Variants in LINGO2 observed in about 807,000 individuals in gnomAD.
LINGO2 encodes the protein leucine rich repeat and Ig domain containing 2.
LINGO2 carries 14 observed loss-of-function variants against 30.6 expected under a neutral mutation model. The observed-to-expected ratio is 0.46, with a 90% confidence interval of 0.30 to 0.72. LINGO2 has a LOEUF of 0.72. Ranked by LOEUF, LINGO2 falls within the 30% of genes least tolerant of loss-of-function variation. The pLI, the probability that LINGO2 is intolerant of heterozygous loss-of-function variation, is 0.07. For synonymous variants in LINGO2, 317 were observed against 288.5 expected (o/e 1.10, Z -1.00); for missense variants, 729 against 751.7 (o/e 0.97, Z 0.35).
At chr9:29,178,223 T>A in the LINGO2 span, among the ~76,000 whole-genome samples, 1 of 151,790 alleles carries the variant, frequency 6.6e-6, no homozygotes, top group African/African-American at 2.4e-5. Context: ...GCCCAGCTAT[T>A]TTTTGCATTT....
At chr9:28,872,413 G>A in the LINGO2 span, among the ~76,000 whole-genome samples, 1 of 151,914 alleles carries the variant, frequency 6.6e-6, no homozygotes, top group Non-Finnish European at 1.5e-5. Flanking sequence ...TTCACAAGCA[G>A]GAAACAATTA....
At chr9:28,432,639 G>GT (rs1228459776) in intron 2 of LINGO2, among the ~76,000 whole-genome samples, 2 of 152,196 alleles carry the variant, frequency 1.3e-5, no homozygotes, top group African/African-American at 4.8e-5. Context: ...ATAAAGGACA[G>GT]TCTGAATGCT....
intron 1 of LINGO2, among the ~76,000 whole-genome samples, chr9:28,549,830 AT>A (rs1176312478): frequency 6.6e-6 from 1 of 151,282 alleles, no homozygotes; most frequent in African/African-American, 2.4e-5. Context: ...TTTGTTTTTT[AT>A]TTTTTTCTCA....
downstream of LINGO2, among the ~76,000 whole-genome samples, chr9:27,944,872 T>C (rs1823304432): frequency 6.6e-6 from 1 of 152,020 alleles, no homozygotes; most frequent in South Asian, 2.1e-4. Flanking sequence ...AAAAAAGGTA[T>C]AAAAAGGACT....
chr9:28,899,189 C>G, the LINGO2 span, among the ~76,000 whole-genome samples: 3 of 152,180 alleles, frequency 2.0e-5, no homozygotes, highest in Admixed American at 1.3e-4. Flanking sequence ...ATTGCCCCGT[C>G]CCCAAACCCT....
At chr9:29,024,087 C>A in the LINGO2 span, among the ~76,000 whole-genome samples, 5 of 152,196 alleles carry the variant, frequency 3.3e-5, no homozygotes, top group East Asian at 5.8e-4. Flanking sequence ...AGCCTCTAAC[C>A]AGTCTTCCTA....
chr9:28,295,906 T>C (rs959773897), intron 3 of LINGO2, among the ~76,000 whole-genome samples: 2 of 152,108 alleles, frequency 1.3e-5, no homozygotes, highest in Non-Finnish European at 2.9e-5. Flanking sequence ...AGAAACAACT[T>C]TGAGGGACAT....
chr9:28,938,051 G>A, the LINGO2 span, among the ~76,000 whole-genome samples: 2 of 152,126 alleles, frequency 1.3e-5, no homozygotes, highest in African/African-American at 4.8e-5. Flanking sequence ...TTGGTTTTCT[G>A]TTCCTGTGTT....
chr9:27,972,654 G>A (rs937685323), intron 5 of LINGO2, among the ~76,000 whole-genome samples: 3 of 152,128 alleles, frequency 2.0e-5, no homozygotes, highest in Non-Finnish European at 4.4e-5. Flanking sequence ...TTCTGTCCAC[G>A]CAGGTAGAAA....
chr9:28,417,826 T>C (rs901803807), intron 2 of LINGO2, among the ~76,000 whole-genome samples: 2 of 152,198 alleles, frequency 1.3e-5, no homozygotes, highest in African/African-American at 4.8e-5. Context: ...AAGTAAAGAC[T>C]CAGTTGTATT....
intron 5 of LINGO2, among the ~76,000 whole-genome samples, chr9:27,967,923 C>A (rs145411957): frequency 6.6e-6 from 1 of 152,248 alleles, no homozygotes; most frequent in South Asian, 2.1e-4. Context: ...TAAGCAAGAA[C>A]ATGCAATTCT....
At chr9:28,591,239 C>T (rs562260214) in intron 1 of LINGO2, among the ~76,000 whole-genome samples, 11 of 152,054 alleles carry the variant, frequency 7.2e-5, no homozygotes, top group African/African-American at 2.7e-4. Flanking sequence ...AGCACACCAA[C>T]ATGGCACATG....
At chr9:29,201,258 G>C in the LINGO2 span, among the ~76,000 whole-genome samples, 1 of 151,974 alleles carries the variant, frequency 6.6e-6, no homozygotes, top group Non-Finnish European at 1.5e-5. Context: ...TCATTCATTT[G>C]ATCATGTGTT....
chr9:29,106,697 A>G, the LINGO2 span, among the ~76,000 whole-genome samples: 1 of 152,176 alleles, frequency 6.6e-6, no homozygotes, highest in Admixed American at 6.5e-5. Context: ...AATTGTATTA[A>G]TAACTATTAA....
At chr9:29,118,540 A>G in the LINGO2 span, among the ~76,000 whole-genome samples, 2 of 152,284 alleles carry the variant, frequency 1.3e-5, no homozygotes, top group South Asian at 2.1e-4. Flanking sequence ...CAGAGAGGAC[A>G]TTGTAGAACC....
At chr9:28,719,845 C>T in the LINGO2 span, among the ~76,000 whole-genome samples, 7 of 152,146 alleles carry the variant, frequency 4.6e-5, no homozygotes, top group African/African-American at 1.7e-4. Flanking sequence ...CATTTCCTCT[C>T]ATTTATCTCT....
intron 1 of LINGO2, among the ~76,000 whole-genome samples, chr9:28,476,274 T>G (rs1331668739): frequency 6.6e-6 from 1 of 151,918 alleles, no homozygotes; most frequent in Non-Finnish European, 1.5e-5. Context: ...CATTAAATTA[T>G]TTATTTATTT....
intron 4 of LINGO2, among the ~76,000 whole-genome samples, chr9:28,286,377 C>T (rs766459590): frequency 1.4e-4 from 21 of 152,288 alleles, no homozygotes; most frequent in Middle Eastern, 3.4e-3. Flanking sequence ...TAAATTCGTT[C>T]AGCCGTTGTG....
chr9:29,052,077 C>T, the LINGO2 span, among the ~76,000 whole-genome samples: 42 of 152,072 alleles, frequency 2.8e-4, no homozygotes, highest in Admixed American at 1.3e-4. Context: ...TATGGTTCAA[C>T]TTAATACAAA....
Sources: allele counts gnomAD v4.1 joint callset (sites outside exome capture counted in the v4.1 genomes callset), GRCh38; gene constraint gnomAD v4.1.1; transcripts MANE v1.5; gene names NCBI Gene and HGNC (gene_info 2026-07-23, HGNC 2026-07-21).